The following TENM3 variants were observed in gnomAD, a reference collection of about 807,000 sequenced individuals.
TENM3 encodes the protein teneurin transmembrane protein 3.
Under a neutral mutation model 255.1 loss-of-function variants are expected in TENM3, and 63 were observed. That is an observed-to-expected ratio of 0.25 (90% CI 0.20 to 0.30). TENM3 has a LOEUF of 0.30. Ranked by LOEUF, TENM3 falls within the 10% of genes least tolerant of loss-of-function variation. The pLI is 1.00. For missense variants in TENM3, 2,929 were observed against 3,461.1 expected, an observed-to-expected ratio of 0.85 and a Z score of 3.86; for synonymous variants, 1,306 against 1,322.3, an observed-to-expected ratio of 0.99 and a Z score of 0.27.
At chr4:182,451,958 ATTTG>A (rs1341284175) in intron 3 of TENM3, among the ~76,000 whole-genome samples, 1 of 152,218 alleles carries the variant, frequency 6.6e-6, no homozygotes, top group Non-Finnish European at 1.5e-5. Context: ...AGGACAATAT[ATTTG>A]TTTTAAATTT....
the TENM3 span, among the ~76,000 whole-genome samples, chr4:181,461,460 A>AT: frequency 1.3e-5 from 2 of 151,946 alleles, no homozygotes; most frequent in African/African-American, 4.8e-5. Context: ...ATTTCTTCAA[A>AT]TTTTTTCTAT....
intron 3 of TENM3, among the ~76,000 whole-genome samples, chr4:182,369,771 C>T (rs1766672830): frequency 6.6e-6 from 1 of 152,008 alleles, no homozygotes; most frequent in South Asian, 2.1e-4. Context: ...GTTTCAGCTA[C>T]TCGGGAGGCT....
intron 1 of TENM3, among the ~76,000 whole-genome samples, chr4:182,287,011 G>A (rs1236055786): frequency 6.6e-6 from 1 of 152,168 alleles, no homozygotes; most frequent in Admixed American, 6.5e-5. Context: ...GAGGATTGCT[G>A]AGGCCAGGAG....
At chr4:181,489,111 G>T in the TENM3 span, among the ~76,000 whole-genome samples, 1 of 152,150 alleles carries the variant, frequency 6.6e-6, no homozygotes, top group African/African-American at 2.4e-5. Context: ...TCATCTGTAG[G>T]CAATGGCACT....
chr4:181,726,758 T>C, the TENM3 span, among the ~76,000 whole-genome samples: 1 of 152,230 alleles, frequency 6.6e-6, no homozygotes, highest in East Asian at 1.9e-4. Flanking sequence ...ATCCCACAGG[T>C]TGAGGGCTCA....
At chr4:181,690,541 T>C in the TENM3 span, among the ~76,000 whole-genome samples, 1 of 152,038 alleles carries the variant, frequency 6.6e-6, no homozygotes, top group Non-Finnish European at 1.5e-5. Flanking sequence ...AAAATACATA[T>C]GTATAAAAAA....
At chr4:182,166,673 C>G (rs532552736) in intron 1 of TENM3, among the ~76,000 whole-genome samples, 26 of 152,068 alleles carry the variant, frequency 1.7e-4, no homozygotes, top group Non-Finnish European at 1.5e-4. Flanking sequence ...GCTCTGTTGC[C>G]CAGGCTAGAG....
chr4:182,230,039 C>G lies in TENM3; in HGVS notation c.-76+85285C>G, dbSNP rs188641929. On this transcript the variant is annotated intron_variant, in intron 1 of 2. Coordinates refer to the TENM3 transcript ENST00000512480. The stretch of plus-strand genomic sequence containing the variant: ...TGTGTGAATAAATATGCATTATTTC[C>G]CTATTTTAAGTAGCCAGAGACTCAC... 2.1e-3 allele frequency among the ~76,000 whole-genome samples: 325 copies of G among 151,476 alleles called. 1 individual carries two copies. Among genetic ancestry groups the G allele is most frequent in the Non-Finnish European group, 3.8e-3 (260 of 67,946 alleles).
chr4:182,689,309 C>T (rs551018712), intron 12 of TENM3, among the ~76,000 whole-genome samples: 7 of 152,138 alleles, frequency 4.6e-5, no homozygotes, highest in East Asian at 3.9e-4. Flanking sequence ...TTTCTTCTTC[C>T]GATGTATCCG....
chr4:181,717,975 C>T, the TENM3 span, among the ~76,000 whole-genome samples: 5 of 152,228 alleles, frequency 3.3e-5, no homozygotes, highest in African/African-American at 1.2e-4. Flanking sequence ...AGAAAAATGC[C>T]TCTTCTGGAT....
chr4:182,659,286 T>A (rs1754015151), intron 6 of TENM3, among the ~76,000 whole-genome samples: 2 of 151,030 alleles, frequency 1.3e-5, no homozygotes, highest in South Asian at 2.1e-4. Flanking sequence ...TTACCTGTAG[T>A]CCACTGTGGT....
chr4:182,719,483 A>T (rs1044684699), intron 13 of TENM3, among the ~76,000 whole-genome samples: 54 of 150,916 alleles, frequency 3.6e-4, no homozygotes, highest in East Asian at 7.8e-4. Flanking sequence ...ATGGTCTCGA[A>T]CTCCTGACCT....
At chr4:182,643,833 C>T (rs1487448923) in intron 5 of TENM3, among the ~76,000 whole-genome samples, 1 of 152,226 alleles carries the variant, frequency 6.6e-6, no homozygotes. Flanking sequence ...GGAAACTCTA[C>T]ATCCTTGCTT....
At chr4:182,087,152 A>T in the TENM3 span, among the ~76,000 whole-genome samples, 1 of 152,170 alleles carries the variant, frequency 6.6e-6, no homozygotes. Flanking sequence ...CCCTGTCTGT[A>T]GGCTTGTCGG....
At chr4:182,155,298 G>A (rs1166507811) in intron 1 of TENM3, among the ~76,000 whole-genome samples, 1 of 152,000 alleles carries the variant, frequency 6.6e-6, no homozygotes, top group Non-Finnish European at 1.5e-5. Context: ...GCAAAGTGAG[G>A]GAATACAGTT....
At chr4:182,332,120 T>C (rs553946196) in intron 2 of TENM3, among the ~76,000 whole-genome samples, 17 of 152,140 alleles carry the variant, frequency 1.1e-4, no homozygotes, top group Middle Eastern at 3.4e-3. Flanking sequence ...ATTCAGAAAA[T>C]AGATTTTATA....
chr4:182,755,232 A>G lies in TENM3; in HGVS notation c.4865A>G (p.Asp1622Gly). ...GNSGLLATKS[D>G]ETGWTTFFDY... is the part of the protein sequence containing the mutation. ...AGTGGCCTTTTAGCCACTAAAAGTG[A>G]TGAAACTGGATGGACAACGTTTTTT... The change falls in exon 22 of 28, where the codon GAT becomes GGT. Residue 1622 changes from aspartate (D) to glycine (G), a missense_variant. Around this residue, in one of 6 missense-constraint regions of TENM3, gnomAD observed 1,608 missense variants for 1,884.4 expected, o/e 0.85. Coordinates refer to ENST00000511685, the MANE Select transcript of TENM3 (RefSeq NM_001080477.4). 6.2e-7 allele frequency: 1 copy of G among 1,603,890 alleles called. No individual in the cohort carries two copies. The highest frequency in any genetic ancestry group is 1.1e-5 in the South Asian group (1 of 89,976).
At chr4:182,066,638 C>T in the TENM3 span, among the ~76,000 whole-genome samples, 4 of 150,026 alleles carry the variant, frequency 2.7e-5, no homozygotes, top group South Asian at 2.1e-4. Context: ...GGGCCAGGCG[C>T]GGTGGCTCAT....
the TENM3 span, among the ~76,000 whole-genome samples, chr4:181,913,620 A>G: frequency 6.6e-6 from 1 of 152,152 alleles, no homozygotes; most frequent in Non-Finnish European, 1.5e-5. Flanking sequence ...ACAGTTACAG[A>G]ACAGGTGACC....
Sources: allele counts gnomAD v4.1 joint callset (sites outside exome capture counted in the v4.1 genomes callset), GRCh38; gene constraint gnomAD v4.1.1; regional missense constraint gnomAD v4.1.1; transcripts MANE v1.5; gene names NCBI Gene and HGNC (gene_info 2026-07-23, HGNC 2026-07-21).